The following ZNF536 variants were observed in gnomAD, a reference collection of about 807,000 sequenced individuals.
ZNF536 encodes the protein zinc finger protein 536.
ZNF536 carries 13 observed loss-of-function variants against 84.5 expected under a neutral mutation model. The ratio of observed to expected loss-of-function variants is 0.15; its 90% CI spans 0.10 to 0.24. ZNF536 has a LOEUF of 0.24. ZNF536 is among the 10% of genes least tolerant of loss of function. The probability of loss-of-function intolerance (pLI) is 1.00; values close to 1 mark genes in which losing one functional copy is unlikely to be tolerated. For missense variants in ZNF536, 1,536 were observed against 1,747.5 expected, an observed-to-expected ratio of 0.88 and a Z score of 2.16; for synonymous variants, 811 against 742.5, an observed-to-expected ratio of 1.09 and a Z score of -1.50.
At chr19:30,405,695 G>A (rs543697934) in intron 1 of ZNF536, among the ~76,000 whole-genome samples, 25 of 152,154 alleles carry the variant, frequency 1.6e-4, no homozygotes, top group Middle Eastern at 3.4e-3. Context: ...CACCCGAATC[G>A]TTTTCCACCT....
chr19:30,560,325 C>G (rs563318900), downstream of ZNF536, among the ~76,000 whole-genome samples: 1 of 151,632 alleles, frequency 6.6e-6, no homozygotes, highest in East Asian at 1.9e-4. Context: ...AAGCCCACCT[C>G]CCCCATAAAC....
intron 3 of ZNF536, among the ~76,000 whole-genome samples, chr19:30,538,493 C>T (rs993926976): frequency 6.6e-6 from 1 of 152,286 alleles, no homozygotes; most frequent in South Asian, 2.1e-4. Flanking sequence ...TCTCCTAACA[C>T]CTGTTTGTTG....
upstream of ZNF536, among the ~76,000 whole-genome samples, chr19:30,367,837 C>G (rs1306089161): frequency 6.6e-6 from 1 of 152,208 alleles, no homozygotes; most frequent in Non-Finnish European, 1.5e-5. Flanking sequence ...TGCCTACCAC[C>G]TCGATCTCTC....
chr19:30,344,107 T>G (rs936382535), intron 2 of ZNF536, among the ~76,000 whole-genome samples: 4 of 151,406 alleles, frequency 2.6e-5, no homozygotes, highest in Non-Finnish European at 2.9e-5. Flanking sequence ...GCACCCCTGT[T>G]TTGGCCCTGT....
intron 1 of ZNF536, 31 bp from the exon 2 acceptor site, chr19:30,443,530 G>A (rs762317599): frequency 4.0e-6 from 6 of 1,510,632 alleles, no homozygotes; most frequent in Non-Finnish European, 5.3e-6. Context: ...GCCGCACCTG[G>A]CACGGATCTG....
chr19:30,492,541 A>G, intron 2 of ZNF536, among the ~76,000 whole-genome samples: 1 of 152,230 alleles, frequency 6.6e-6, no homozygotes, highest in East Asian at 1.9e-4. Flanking sequence ...AGTATTTATT[A>G]TTATTATAAA....
At chr19:30,515,047 T>A (rs943984621) in intron 2 of ZNF536, among the ~76,000 whole-genome samples, 9 of 152,026 alleles carry the variant, frequency 5.9e-5, no homozygotes, top group African/African-American at 2.2e-4. Flanking sequence ...GCCCAGGCGT[T>A]TGAGACCAGC....
At chr19:30,535,929 G>A (rs1368086268) in intron 3 of ZNF536, among the ~76,000 whole-genome samples, 1 of 151,960 alleles carries the variant, frequency 6.6e-6, no homozygotes, top group Non-Finnish European at 1.5e-5. Flanking sequence ...CATGGGCATC[G>A]CGTGGGGGGA....
chr19:30,507,003 A>T (rs2055200759), intron 2 of ZNF536, among the ~76,000 whole-genome samples: 1 of 152,236 alleles, frequency 6.6e-6, no homozygotes, highest in Non-Finnish European at 1.5e-5. Flanking sequence ...ATCGTAGTAT[A>T]CAAATTGGTC....
chr19:30,568,270 A>G (rs951435058), intron 1 of ZNF536, among the ~76,000 whole-genome samples: 1 of 152,222 alleles, frequency 6.6e-6, no homozygotes, highest in Non-Finnish European at 1.5e-5. Context: ...TATGTGAAGA[A>G]GGTGAGGAAA....
At chr19:30,545,458 C>T (rs746143823) in intron 3 of ZNF536, among the ~76,000 whole-genome samples, 10 of 128,346 alleles carry the variant, frequency 7.8e-5, no homozygotes, top group South Asian at 2.5e-4. Flanking sequence ...AGTGCAGTGG[C>T]GCCATCTCGG....
At chr19:30,598,094 A>T (rs1201887813) in intron 1 of ZNF536, among the ~76,000 whole-genome samples, 1 of 152,208 alleles carries the variant, frequency 6.6e-6, no homozygotes, top group Non-Finnish European at 1.5e-5. Context: ...ATGCATCGTG[A>T]ATCCAGCTGC....
At chr19:30,629,734 G>A (rs911815845) in intron 1 of ZNF536, among the ~76,000 whole-genome samples, 1 of 152,226 alleles carries the variant, frequency 6.6e-6, no homozygotes, top group Non-Finnish European at 1.5e-5. Flanking sequence ...TCTGCCACGA[G>A]TTTCTCTGCT....
At chr19:30,335,201 A>T (rs987264124) in intron 2 of ZNF536, among the ~76,000 whole-genome samples, 3 of 152,202 alleles carry the variant, frequency 2.0e-5, no homozygotes, top group African/African-American at 7.2e-5. Context: ...CTGGCTGTGT[A>T]TCGCTCCCAC....
At chr19:30,401,479 C>T (rs1230499063) in intron 1 of ZNF536, among the ~76,000 whole-genome samples, 1 of 152,182 alleles carries the variant, frequency 6.6e-6, no homozygotes, top group Non-Finnish European at 1.5e-5. Context: ...TTGCTCTGCA[C>T]AGGAGCACGT....
chr19:30,584,979 C>T (rs1437250825), intron 1 of ZNF536, among the ~76,000 whole-genome samples: 1 of 151,982 alleles, frequency 6.6e-6, no homozygotes. Flanking sequence ...TGCCTCTAGT[C>T]CCAGCTACTT....
chr19:30,707,061 TCA>T (rs1297413371), intron 1 of ZNF536, among the ~76,000 whole-genome samples: 2 of 152,188 alleles, frequency 1.3e-5, no homozygotes, highest in Non-Finnish European at 2.9e-5. Flanking sequence ...GAACTCTCTC[TCA>T]GTGAGTCCTG....
At chr19:30,595,926 G>A (rs1034683024) in intron 1 of ZNF536, among the ~76,000 whole-genome samples, 5 of 152,148 alleles carry the variant, frequency 3.3e-5, no homozygotes, top group African/African-American at 1.2e-4. Flanking sequence ...AGGAGAGGGG[G>A]TGCAGTGGGG....
intron 2 of ZNF536, among the ~76,000 whole-genome samples, chr19:30,532,677 C>T (rs1253089564): frequency 6.9e-6 from 1 of 145,040 alleles, no homozygotes; most frequent in Non-Finnish European, 1.5e-5. Context: ...ATGCAGCATG[C>T]TCAGGGTTGG....
Sources: allele counts gnomAD v4.1 joint callset (sites outside exome capture counted in the v4.1 genomes callset), GRCh38; gene constraint gnomAD v4.1.1; transcripts MANE v1.5; gene names NCBI Gene and HGNC (gene_info 2026-07-23, HGNC 2026-07-21).